The following PTPRT variants were observed in gnomAD, a reference collection of about 807,000 sequenced individuals.
The protein encoded by PTPRT is receptor-type tyrosine-protein phosphatase T.
A neutral mutation model predicts 176.8 loss-of-function variants in PTPRT; 56 were observed. The observed-to-expected ratio is 0.32, with a 90% CI of 0.26 to 0.40. PTPRT has a LOEUF of 0.40. Ranked by LOEUF, PTPRT falls within the 10% of genes least tolerant of loss-of-function variation. PTPRT has a pLI of 1.00. For synonymous variants in PTPRT, 783 were observed against 739.0 expected, an observed-to-expected ratio of 1.06 and a Z score of -0.96; for missense variants, 1,540 against 1,908.2, an observed-to-expected ratio of 0.81 and a Z score of 3.60.
intron 1 of PTPRT, among the ~76,000 whole-genome samples, chr20:42,948,837 T>C (rs1243204142): frequency 6.6e-6 from 1 of 152,216 alleles, no homozygotes; most frequent in Admixed American, 6.5e-5. Flanking sequence ...GCCACATCTG[T>C]ATCACCAGGC....
chr20:42,576,353 G>A (rs2073260320), intron 7 of PTPRT, among the ~76,000 whole-genome samples: 1 of 152,222 alleles, frequency 6.6e-6, no homozygotes, highest in South Asian at 2.1e-4. Context: ...ACATCTGGAA[G>A]GGAGTCGTGT....
At chr20:42,730,874 C>T (rs1307996969) in intron 6 of PTPRT, among the ~76,000 whole-genome samples, 1 of 152,164 alleles carries the variant, frequency 6.6e-6, no homozygotes. Context: ...TTGACTGATC[C>T]CTCGGTTGTA....
rs143900085 is a variant in PTPRT at position 42,204,760 on chromosome 20, T to A, written c.2343-5372A>T. ...TCTGAGTGCCACTCTTTACAAGGGA[T>A]ACTGGCAGGTAGAATGGCTCACGGG... On this transcript the variant is annotated intron_variant, in intron 15 of 30. Transcript: ENST00000373187. 7.6e-3 allele frequency among the ~76,000 whole-genome samples: 1,155 copies of A among 151,044 alleles called. 14 individuals are homozygous for A. Among genetic ancestry groups the A allele is most frequent in the Middle Eastern group, 0.017 (5 of 294 alleles).
chr20:42,571,021 A>T (rs1290161798), intron 7 of PTPRT, among the ~76,000 whole-genome samples: 1 of 152,176 alleles, frequency 6.6e-6, no homozygotes, highest in African/African-American at 2.4e-5. Flanking sequence ...CCCCCACAGA[A>T]GAAAATGGTT....
chr20:42,789,934 G>A (rs1366859401), intron 3 of PTPRT, among the ~76,000 whole-genome samples: 1 of 152,160 alleles, frequency 6.6e-6, no homozygotes, highest in Non-Finnish European at 1.5e-5. Context: ...TATTAACTTG[G>A]AGAATGTCTA....
At chr20:42,851,138 A>T (rs767093104) in intron 2 of PTPRT, among the ~76,000 whole-genome samples, 46 of 152,172 alleles carry the variant, frequency 3.0e-4, no homozygotes, top group Non-Finnish European at 5.6e-4. Context: ...CTCTCATTAG[A>T]GTTGAACATT....
chr20:42,451,630 G>T (rs1260161641), intron 8 of PTPRT, among the ~76,000 whole-genome samples: 1 of 152,160 alleles, frequency 6.6e-6, no homozygotes, highest in Non-Finnish European at 1.5e-5. Context: ...AGGAAGGTAA[G>T]CCGTCATTGT....
chr20:42,737,767 T>C (rs1367357639), intron 6 of PTPRT, among the ~76,000 whole-genome samples: 1 of 152,164 alleles, frequency 6.6e-6, no homozygotes, highest in Non-Finnish European at 1.5e-5. Context: ...ACCCAGTGTA[T>C]AGTAGTTCAT....
chr20:42,694,396 A>T (rs1238791471), intron 6 of PTPRT, among the ~76,000 whole-genome samples: 1 of 152,144 alleles, frequency 6.6e-6, no homozygotes, highest in East Asian at 1.9e-4. Flanking sequence ...TGTAGTTTAC[A>T]TGTGATATAC....
chr20:43,082,185 CGTAATCTAAGA>C (rs1352546666), intron 1 of PTPRT, among the ~76,000 whole-genome samples: 1 of 152,084 alleles, frequency 6.6e-6, no homozygotes, highest in Admixed American at 6.5e-5. Flanking sequence ...TTTTCTGTAA[CGTAATCTAAGA>C]GTACGTGCAT....
At chr20:42,458,378 C>A (rs1006816094) in intron 8 of PTPRT, among the ~76,000 whole-genome samples, 1 of 152,120 alleles carries the variant, frequency 6.6e-6, no homozygotes, top group Non-Finnish European at 1.5e-5. Context: ...CTGTTCCCAC[C>A]ACTGTATTAC....
chr20:42,698,826 G>C (rs188651281), intron 6 of PTPRT, among the ~76,000 whole-genome samples: 150 of 151,910 alleles, frequency 9.9e-4, no homozygotes, highest in Non-Finnish European at 1.4e-3. Flanking sequence ...TCTAACTCTA[G>C]CATCAGAGGC....
chr20:42,302,245 A>AT (rs145707461), intron 12 of PTPRT, among the ~76,000 whole-genome samples: 6 of 151,522 alleles, frequency 4.0e-5, no homozygotes, highest in Admixed American at 6.6e-5. Flanking sequence ...AGGCAAGACA[A>AT]TTTTTTTTTC....
intron 1 of PTPRT, among the ~76,000 whole-genome samples, chr20:42,931,654 G>A (rs1979855820): frequency 6.6e-6 from 1 of 152,114 alleles, no homozygotes; most frequent in African/African-American, 2.4e-5. Context: ...AGAGGGAGCG[G>A]GTGAGCATAC....
Position 42,916,883 on chromosome 20 carries a change from T to G in PTPRT, c.89-30951A>C, listed in dbSNP as rs1347871052. ...TTAGCCCTTTGTCAGATGAGTAGGT[T>G]GCAAAAATTTTCTGCCATTCTGTAG... On this transcript the variant is annotated intron_variant, in intron 1 of 30. Transcript: ENST00000373187. 5.9e-5 allele frequency among the ~76,000 whole-genome samples: 9 copies of G among 152,346 alleles called. No individual in the cohort carries two copies. The East Asian group carries it at 1.5e-3, about 26-fold the overall frequency.
chr20:42,386,237 C>A (rs1231387206), intron 9 of PTPRT, among the ~76,000 whole-genome samples: 1 of 152,112 alleles, frequency 6.6e-6, no homozygotes, highest in South Asian at 2.1e-4. Flanking sequence ...CATTTTAGAG[C>A]CTGAATTTTA....
At chr20:42,232,655 TC>T (rs112173182) in intron 15 of PTPRT, among the ~76,000 whole-genome samples, 5,304 of 151,696 alleles carry the variant, frequency 0.035, 314 homozygotes, top group African/African-American at 0.12. Context: ...CTGTTCCCTG[TC>T]CCCAAACACC....
intron 7 of PTPRT, among the ~76,000 whole-genome samples, chr20:42,528,185 A>G (rs2072312351): frequency 6.6e-6 from 1 of 152,070 alleles, no homozygotes. Flanking sequence ...TGCCTAGAAG[A>G]TCTTTCTCTC....
intron 7 of PTPRT, among the ~76,000 whole-genome samples, chr20:42,641,429 G>A (rs1183531386): frequency 6.6e-6 from 1 of 152,128 alleles, no homozygotes; most frequent in Non-Finnish European, 1.5e-5. Context: ...TGTCTTTGAT[G>A]GGGGCTTTAT....
Sources: allele counts gnomAD v4.1 joint callset (sites outside exome capture counted in the v4.1 genomes callset), GRCh38; gene constraint gnomAD v4.1.1; transcripts MANE v1.5; gene names NCBI Gene and HGNC (gene_info 2026-07-23, HGNC 2026-07-21).